Variants in ARMC9 observed in about 807,000 individuals in gnomAD.
The protein encoded by ARMC9 is armadillo repeat containing 9.
ARMC9 carries 94 observed loss-of-function variants against 107.0 expected under a neutral mutation model. The ratio of observed to expected loss-of-function variants is 0.88; its 90% CI spans 0.74 to 1.04. The LOEUF (loss-of-function observed/expected upper bound fraction) is 1.04, where lower values mean the gene tolerates loss of function less well. Among genes scored for constraint, ARMC9 ranks in the 50% least tolerant of loss-of-function variants. ARMC9 has a pLI of 0.00. For synonymous variants in ARMC9, 380 were observed against 396.9 expected (o/e 0.96, Z 0.51); for missense variants, 942 against 1,030.1 (o/e 0.91, Z 1.17).
intron 21 of ARMC9, among the ~76,000 whole-genome samples, chr2:231,349,047 A>G (rs1406329953): frequency 1.3e-5 from 2 of 152,240 alleles, no homozygotes; most frequent in African/African-American, 2.4e-5. Flanking sequence ...AACTAAAAAT[A>G]GAGCTACCAC....
chr2:231,238,956 G>A (rs981350412), intron 8 of ARMC9, among the ~76,000 whole-genome samples: 6 of 152,206 alleles, frequency 3.9e-5, no homozygotes, highest in African/African-American at 1.4e-4. Flanking sequence ...ACGCAGTCCT[G>A]GGGGATGGCC....
intron 7 of ARMC9, among the ~76,000 whole-genome samples, chr2:231,230,782 G>A (rs1416840586): frequency 6.6e-6 from 1 of 152,152 alleles, no homozygotes; most frequent in Non-Finnish European, 1.5e-5. Context: ...TGTGTATACT[G>A]TTGTTATACC....
Position 231,269,948 on chromosome 2 carries a change from T to C in ARMC9, c.1120-1034T>C, listed in dbSNP as rs1054012067. On this transcript the variant is annotated intron_variant, in intron 12 of 24. Transcript: ENST00000611582. Reference sequence around the variant, plus strand: ...CTGCTAGTCCTTGGTGATCTCCTAATGAGAGATTTGGAGTGAAGGGGACCA... The same window carrying C: ...CTGCTAGTCCTTGGTGATCTCCTAACGAGAGATTTGGAGTGAAGGGGACCA... Among the ~76,000 whole-genome samples, 6 of 130,440 alleles carry C rather than the reference T, an allele frequency of 4.6e-5. No individual in the cohort carries two copies. In the Admixed American group the frequency reaches 5.3e-4, roughly 12 times the overall value. 85.6% of individuals were successfully genotyped at this position (130,440 alleles called of 152,430 possible).
chr2:231,265,691 A>C (rs1015653560), intron 12 of ARMC9, among the ~76,000 whole-genome samples: 1 of 149,644 alleles, frequency 6.7e-6, no homozygotes, highest in Non-Finnish European at 1.5e-5. Flanking sequence ...ACTTGAAATA[A>C]AACTTTTTTT....
In ARMC9 at chr2:231,269,398, C is replaced by CTTTTT. The variant is rs773618086; in HGVS notation, c.1120-1567_1120-1563dup. Among the ~76,000 whole-genome samples, 246 of 112,354 alleles carry CTTTTT rather than the reference C, an allele frequency of 2.2e-3. 1 individual carries two copies. Among genetic ancestry groups the CTTTTT allele is most frequent in the African/African-American group, 6.3e-3 (163 of 25,752 alleles). 73.7% of individuals were successfully genotyped at this position (112,354 alleles called of 152,430 possible). ...TCTTTAGGAGATTTCTTTTCTTCTTCTTTTTTTTTTTTTTTTTTTTTGAGA... is the reference window on the plus strand; with the variant it reads ...TCTTTAGGAGATTTCTTTTCTTCTTCTTTTTTTTTTTTTTTTTTTTTTTTTTGAGA... On this transcript the variant is annotated intron_variant, in intron 12 of 24. Transcript: ENST00000611582.
intron 20 of ARMC9, among the ~76,000 whole-genome samples, chr2:231,340,957 C>T (rs2044466120): frequency 6.6e-6 from 1 of 152,016 alleles, no homozygotes; most frequent in Non-Finnish European, 1.5e-5. Flanking sequence ...AATCCCAGTG[C>T]TTTGGGAGGC....
intron 19 of ARMC9, among the ~76,000 whole-genome samples, chr2:231,324,503 G>T (rs190274463): frequency 3.3e-5 from 5 of 149,708 alleles, no homozygotes; most frequent in Non-Finnish European, 7.4e-5. Context: ...TGTAATCCCA[G>T]CACTTCGGGA....
chr2:231,205,711 G>A (rs1015413467), intron 1 of ARMC9, among the ~76,000 whole-genome samples: 2 of 152,216 alleles, frequency 1.3e-5, no homozygotes, highest in African/African-American at 4.8e-5. Context: ...TTCTAGTTCT[G>A]GAGGTCAGAA....
At chr2:231,286,128 T>A (rs1179153593) in intron 17 of ARMC9, among the ~76,000 whole-genome samples, 1 of 152,134 alleles carries the variant, frequency 6.6e-6, no homozygotes, top group Non-Finnish European at 1.5e-5. Flanking sequence ...ATTTGTTTAT[T>A]TTTTTGAGAC....
intron 7 of ARMC9, among the ~76,000 whole-genome samples, chr2:231,233,550 G>A (rs1230063408): frequency 6.6e-6 from 1 of 152,150 alleles, no homozygotes; most frequent in Non-Finnish European, 1.5e-5. Flanking sequence ...GCCGAGGCAG[G>A]TGGATCACCT....
intron 12 of ARMC9, among the ~76,000 whole-genome samples, chr2:231,265,022 C>T (rs758756779): frequency 9.9e-5 from 15 of 151,894 alleles, no homozygotes; most frequent in Admixed American, 2.6e-4. Context: ...CGCTTGAACC[C>T]GGGAGACGGA....
At chr2:231,269,543 G>A (rs538441632) in intron 12 of ARMC9, among the ~76,000 whole-genome samples, 4 of 151,212 alleles carry the variant, frequency 2.6e-5, no homozygotes, top group East Asian at 2.0e-4. Flanking sequence ...GTGCCACCAC[G>A]CCTGGCTAAT....
intron 8 of ARMC9, among the ~76,000 whole-genome samples, chr2:231,239,721 AC>A (rs1272959160): frequency 6.6e-6 from 1 of 152,204 alleles, no homozygotes; most frequent in Non-Finnish European, 1.5e-5. Flanking sequence ...TCTCATGAGC[AC>A]ACCTGCAGTG....
At chr2:231,370,928 A>T in intron 24 of ARMC9, 1 of 358,978 alleles carries the variant, frequency 2.8e-6, no homozygotes, top group Non-Finnish European at 5.7e-6. Context: ...CCACCCTACT[A>T]CCTTCCTGGC....
At position 231,375,642 on chromosome 2, in the gene ARMC9, C is replaced by T. The variant is rs879836348; in HGVS notation, c.*4107C>T. On this transcript the variant is annotated 3_prime_UTR_variant, in exon 25 of 25. Coordinates refer to ENST00000611582, the MANE Select transcript of ARMC9 (RefSeq NM_001352754.2). The surrounding 1 kb of genome is among the most constrained non-coding windows in gnomAD (Gnocchi z 4.3). The stretch of plus-strand genomic sequence containing the variant: ...TTCTAGGGAGAATTTCTGGCCTTTT[C>T]GGATGGCATGGTCCAGGCCGGAGCA... Among the ~76,000 whole-genome samples, 2 of 152,188 alleles carry T rather than the reference C, an allele frequency of 1.3e-5. No homozygotes were observed. Among genetic ancestry groups the T allele is most frequent in the Admixed American group, 6.5e-5 (1 of 15,278 alleles).
intron 1 of ARMC9, among the ~76,000 whole-genome samples, chr2:231,199,389 A>T (rs1478904359): frequency 6.6e-6 from 1 of 152,186 alleles, no homozygotes; most frequent in Non-Finnish European, 1.5e-5. Context: ...ACCAGGGTGG[A>T]GGCAGGAATT....
At chr2:231,254,477 C>T (rs2125400114) in intron 9 of ARMC9, among the ~76,000 whole-genome samples, 1 of 152,130 alleles carries the variant, frequency 6.6e-6, no homozygotes, top group East Asian at 1.9e-4. Flanking sequence ...TTGAAAATCA[C>T]ATACCCTTTG....
At chr2:231,232,078 T>C (rs1385120433) in intron 7 of ARMC9, among the ~76,000 whole-genome samples, 1 of 141,780 alleles carries the variant, frequency 7.1e-6, no homozygotes, top group East Asian at 2.1e-4. Flanking sequence ...CAGGCTGGAG[T>C]GCAGTGGTGC....
intron 5 of ARMC9, among the ~76,000 whole-genome samples, chr2:231,217,643 C>T (rs1281201966): frequency 6.6e-6 from 1 of 151,646 alleles, no homozygotes; most frequent in African/African-American, 2.4e-5. Context: ...TTTACATTAT[C>T]ACACACAGAA....
Sources: allele counts gnomAD v4.1 joint callset (sites outside exome capture counted in the v4.1 genomes callset), GRCh38; gene constraint gnomAD v4.1.1; non-coding constraint Gnocchi (gnomAD v3.1); transcripts MANE v1.5; gene names NCBI Gene and HGNC (gene_info 2026-07-23, HGNC 2026-07-21).